The following EYS variants were observed in gnomAD, a reference collection of about 807,000 sequenced individuals.
EYS encodes protein eyes shut homolog.
Under a neutral mutation model 282.1 loss-of-function variants are expected in EYS, and 250 were observed. The ratio of observed to expected loss-of-function variants is 0.89; its 90% confidence interval spans 0.80 to 0.98. EYS has a LOEUF of 0.98. Ranked by LOEUF, EYS falls within the 50% of genes least tolerant of loss-of-function variation. EYS has a pLI of 0.00. For missense variants in EYS, 4,016 were observed against 3,709.0 expected (o/e 1.08, Z -2.15); for synonymous variants, 1,355 against 1,282.9 (o/e 1.06, Z -1.20).
intron 28 of EYS, among the ~76,000 whole-genome samples, chr6:64,395,847 C>CAATCA (rs1197316693): frequency 5.9e-5 from 9 of 151,728 alleles, no homozygotes; most frequent in African/African-American, 2.2e-4. Context: ...AAGACACCTA[C>CAATCA]ATAGCATCCA....
At chr6:64,758,151 C>CCT (rs987011251) in intron 22 of EYS, among the ~76,000 whole-genome samples, 2 of 152,032 alleles carry the variant, frequency 1.3e-5, no homozygotes, top group African/African-American at 4.8e-5. Context: ...GAGTGTCAGT[C>CCT]TTGTGCTTTG....
At chr6:63,734,796 C>T (rs1414359106) in intron 41 of EYS, among the ~76,000 whole-genome samples, 1 of 151,958 alleles carries the variant, frequency 6.6e-6, no homozygotes, top group Non-Finnish European at 1.5e-5. Flanking sequence ...TTAAGATGTT[C>T]AAGGTGGTGG....
chr6:65,412,094 A>C (rs116235266), intron 5 of EYS, among the ~76,000 whole-genome samples: 1 of 152,130 alleles, frequency 6.6e-6, no homozygotes, highest in Non-Finnish European at 1.5e-5. Flanking sequence ...ATAGCTTGCT[A>C]TCCCTCTCTC....
At chr6:64,113,674 A>C in intron 31 of EYS, among the ~76,000 whole-genome samples, 1 of 152,292 alleles carries the variant, frequency 6.6e-6, no homozygotes, top group Middle Eastern at 3.4e-3. Flanking sequence ...TCTTTTTCTG[A>C]ATGGAGTTAG....
intron 12 of EYS, among the ~76,000 whole-genome samples, chr6:65,182,114 G>A (rs1373093438): frequency 1.3e-5 from 2 of 151,714 alleles, no homozygotes; most frequent in Non-Finnish European, 2.9e-5. Context: ...GTTAAATGAC[G>A]AGTTAATGGG....
intron 5 of EYS, among the ~76,000 whole-genome samples, chr6:65,482,399 G>C (rs1261079371): frequency 6.6e-6 from 1 of 152,160 alleles, no homozygotes; most frequent in Non-Finnish European, 1.5e-5. Context: ...GCAAGGACTA[G>C]TTCAATTCTC....
At chr6:64,634,973 T>G (rs1398852731) in intron 22 of EYS, among the ~76,000 whole-genome samples, 1 of 152,130 alleles carries the variant, frequency 6.6e-6, no homozygotes, top group Admixed American at 6.6e-5. Context: ...TGTTCTTCCA[T>G]TTGTTTGTAT....
chr6:65,460,100 T>A (rs200719933), intron 5 of EYS, among the ~76,000 whole-genome samples: 1 of 137,658 alleles, frequency 7.3e-6, no homozygotes, highest in Admixed American at 7.5e-5. Context: ...CACACACACA[T>A]ACATATAAAA....
intron 26 of EYS, among the ~76,000 whole-genome samples, chr6:64,556,703 C>T (rs1225232625): frequency 6.6e-6 from 1 of 151,750 alleles, no homozygotes; most frequent in African/African-American, 2.4e-5. Context: ...AAGAACAAGG[C>T]ACTGAGGAAC....
At chr6:65,012,400 A>G (rs1015961840) in intron 13 of EYS, among the ~76,000 whole-genome samples, 2 of 152,226 alleles carry the variant, frequency 1.3e-5, no homozygotes, top group African/African-American at 4.8e-5. Flanking sequence ...CTACTTATTC[A>G]CTAAAATGTA....
At chr6:65,085,618 A>T (rs1478134410) in intron 12 of EYS, among the ~76,000 whole-genome samples, 1 of 152,162 alleles carries the variant, frequency 6.6e-6, no homozygotes, top group East Asian at 1.9e-4. Context: ...AGGTAACAGC[A>T]TAGCTTAATC....
At chr6:64,391,600 T>C (rs2150427819) in intron 28 of EYS, among the ~76,000 whole-genome samples, 1 of 152,190 alleles carries the variant, frequency 6.6e-6, no homozygotes, top group East Asian at 1.9e-4. Flanking sequence ...CCACCAGGCC[T>C]GCCCTAAAAG....
chr6:65,590,351 T>G (rs1041354344), intron 2 of EYS, among the ~76,000 whole-genome samples: 1 of 152,072 alleles, frequency 6.6e-6, no homozygotes, highest in Non-Finnish European at 1.5e-5. Context: ...TTTAAATTTT[T>G]AACTGACACG....
intron 12 of EYS, among the ~76,000 whole-genome samples, chr6:65,181,281 T>C (rs1264024804): frequency 6.6e-6 from 1 of 151,470 alleles, no homozygotes; most frequent in Non-Finnish European, 1.5e-5. Context: ...ACCTACAGAG[T>C]GGGAGAAAAT....
At chr6:65,016,202 A>T (rs1011826799) in intron 13 of EYS, among the ~76,000 whole-genome samples, 1 of 144,006 alleles carries the variant, frequency 6.9e-6, no homozygotes, top group African/African-American at 2.6e-5. Context: ...CGTTTCTACT[A>T]AAAAAAAAAA....
chr6:64,085,331 CGTG>C (rs1451797139), intron 31 of EYS, among the ~76,000 whole-genome samples: 78 of 123,646 alleles, frequency 6.3e-4, no homozygotes, highest in Middle Eastern at 4.1e-3. Flanking sequence ...CGCGTGCGCA[CGTG>C]CGCGCGCACA....
intron 31 of EYS, among the ~76,000 whole-genome samples, chr6:64,104,724 TATA>T (rs763535366): frequency 1.5e-4 from 22 of 150,342 alleles, no homozygotes; most frequent in Non-Finnish European, 2.4e-4. Context: ...AAAACTCACT[TATA>T]ATATCTCTCT....
At chr6:64,566,673 T>C (rs970888098) in intron 26 of EYS, among the ~76,000 whole-genome samples, 13 of 152,168 alleles carry the variant, frequency 8.5e-5, no homozygotes, top group African/African-American at 3.1e-4. Flanking sequence ...TGGTGAGAAG[T>C]ATTTAATACT....
chr6:65,136,692 T>C (rs897826867), intron 12 of EYS, among the ~76,000 whole-genome samples: 27 of 152,074 alleles, frequency 1.8e-4, no homozygotes, highest in African/African-American at 6.3e-4. Context: ...TTATAATTTT[T>C]CTTCCTTTTT....
Sources: gnomAD v4.1 joint callset for allele counts (sites outside exome capture counted in the v4.1 genomes callset) on GRCh38, gnomAD v4.1.1 for gene constraint, MANE v1.5 for transcripts, NCBI Gene and HGNC (gene_info 2026-07-23, HGNC 2026-07-21) for gene names.